Variants in ADARB2 observed in about 807,000 individuals in gnomAD.
The protein encoded by ADARB2 is adenosine deaminase RNA specific B2 (inactive).
Under a neutral mutation model 62.2 loss-of-function variants are expected in ADARB2, and 25 were observed. The ratio of observed to expected loss-of-function variants is 0.40; its 90% CI spans 0.29 to 0.56. The LOEUF is 0.56. ADARB2 is among the 20% of genes least tolerant of loss of function. The pLI, the probability that ADARB2 is intolerant of heterozygous loss-of-function variation, is 0.43. For synonymous variants in ADARB2, 572 were observed against 500.8 expected (o/e 1.14, Z -1.90); for missense variants, 1,071 against 1,077.4 (o/e 0.99, Z 0.08).
At position 1,597,940 on chromosome 10, in the gene ADARB2, A is replaced by T. The variant is rs556252686; in HGVS notation, c.100+139111T>A. Among the ~76,000 whole-genome samples the T allele has an allele frequency of 7.2e-5, 11 of 152,392 alleles. No homozygotes were observed. The South Asian group carries it at 1.2e-3, about 17-fold the overall frequency. Reference sequence around the variant, plus strand: ...ATACACTGTGGAATACTATGCAGCCATGAAAAAGAAAGAAGTCATATCTTT... The same window carrying T: ...ATACACTGTGGAATACTATGCAGCCTTGAAAAAGAAAGAAGTCATATCTTT... On this transcript the variant is annotated intron_variant, in intron 1 of 9. Coordinates refer to ENST00000381312, the MANE Select transcript of ADARB2 (RefSeq NM_018702.4).
At chr10:1,242,011 C>A in intron 5 of ADARB2, 120 bp downstream of exon 5, 1 of 1,117,620 alleles carries the variant, frequency 8.9e-7, no homozygotes. Flanking sequence ...TGCTTTCTGG[C>A]TCACCCTGTG....
At chr10:1,576,856 G>C (rs971098596) in intron 1 of ADARB2, among the ~76,000 whole-genome samples, 1 of 141,434 alleles carries the variant, frequency 7.1e-6, no homozygotes, top group Admixed American at 7.0e-5. Flanking sequence ...TCAGTCTGCT[G>C]TGTGGCCCTG....
At chr10:1,581,768 A>G (rs1333466608) in intron 1 of ADARB2, among the ~76,000 whole-genome samples, 1 of 152,180 alleles carries the variant, frequency 6.6e-6, no homozygotes, top group Non-Finnish European at 1.5e-5. Flanking sequence ...ACATAGACAT[A>G]GTGCATAGAG....
At chr10:1,677,582 AG>A (rs1834482760) in intron 1 of ADARB2, among the ~76,000 whole-genome samples, 1 of 152,202 alleles carries the variant, frequency 6.6e-6, no homozygotes, top group Admixed American at 6.5e-5. Context: ...CATTCCTGCC[AG>A]GTGGAGCTCC....
intron 5 of ADARB2, among the ~76,000 whole-genome samples, chr10:1,241,036 C>T (rs1475207393): frequency 1.3e-5 from 2 of 151,900 alleles, no homozygotes; most frequent in Non-Finnish European, 2.9e-5. Flanking sequence ...TTTGGGAGGC[C>T]GAGATAGGGT....
rs555812632 is a variant in ADARB2 at position 1,493,729 on chromosome 10, C to CTTTTTTT, written c.101-114576_101-114570dup. On this transcript the variant is annotated intron_variant, in intron 1 of 9. Transcript: ENST00000381312. ...TCTAGGCACAGCATAATATGGCATT[C>CTTTTTTT]TTTTTTTTTTTTTTTTTTTTTTTTT... Among the ~76,000 whole-genome samples the CTTTTTTT allele has an allele frequency of 6.5e-4, 37 of 56,842 alleles. 6 individuals carry two copies. The highest frequency in any genetic ancestry group is 1.5e-3 in the East Asian group (3 of 1,938). 37.3% of individuals were successfully genotyped at this position (56,842 alleles called of 152,430 possible). A position where few individuals can be genotyped will look rare whatever the true frequency, so the allele number is the denominator to read the frequency against.
At chr10:1,516,977 C>T (rs1832016413) in intron 1 of ADARB2, among the ~76,000 whole-genome samples, 1 of 152,172 alleles carries the variant, frequency 6.6e-6, no homozygotes, top group South Asian at 2.1e-4. Flanking sequence ...GGCGTTTCCC[C>T]CACGCCGGCC....
intron 1 of ADARB2, among the ~76,000 whole-genome samples, chr10:1,548,600 G>T (rs1217439530): frequency 6.6e-6 from 1 of 152,222 alleles, no homozygotes; most frequent in Non-Finnish European, 1.5e-5. Flanking sequence ...TCACTAGAGG[G>T]TCAGATTTGG....
rs1836680571 is a variant in ADARB2 at position 1,181,961 on chromosome 10, C to A, written c.*1232G>T. 6.6e-6 allele frequency: 1 copy of A among 152,170 alleles called. No individual in the cohort carries two copies. The highest frequency in any genetic ancestry group is 2.4e-5 in the African/African-American group (1 of 41,424). 9.4% of individuals were successfully genotyped at this position (152,170 alleles called of 1,614,324 possible). On this transcript the variant is annotated 3_prime_UTR_variant, in exon 10 of 10. Coordinates refer to ENST00000381312, the MANE Select transcript of ADARB2 (RefSeq NM_018702.4). ...AGGGATGATGCTGTGGGCTAAAGCC[C>A]CCATGTCCCATCTCCACTGTGAGCT...
chr10:1,563,764 G>A (rs567327244), intron 1 of ADARB2, among the ~76,000 whole-genome samples: 11 of 141,550 alleles, frequency 7.8e-5, no homozygotes, highest in South Asian at 2.6e-4. Flanking sequence ...ATATCTCCCA[G>A]TGCTATCCCT....
intron 1 of ADARB2, among the ~76,000 whole-genome samples, chr10:1,586,823 A>C (rs1460850888): frequency 6.6e-6 from 1 of 152,222 alleles, no homozygotes. Flanking sequence ...TGGGTTTGTG[A>C]GTAGCATAAA....
chr10:1,382,519 T>C (rs1269188228), intron 1 of ADARB2, among the ~76,000 whole-genome samples: 1 of 152,220 alleles, frequency 6.6e-6, no homozygotes, highest in Admixed American at 6.5e-5. Flanking sequence ...AGAAGTTCTT[T>C]GGCATCAGGG....
At chr10:1,616,107 G>A (rs1833629386) in intron 1 of ADARB2, among the ~76,000 whole-genome samples, 1 of 152,168 alleles carries the variant, frequency 6.6e-6, no homozygotes, top group African/African-American at 2.4e-5. Flanking sequence ...TCAGAAGTGA[G>A]GAATATGGCA....
At position 1,217,013 on chromosome 10, in the gene ADARB2, G is replaced by C. The variant is rs769066420; in HGVS notation, c.1620C>G (p.Thr540=). 2.2e-5 allele frequency: 36 copies of C among 1,611,424 alleles called. No individual in the cohort carries two copies. The highest frequency in any genetic ancestry group is 1.6e-4 in the Middle Eastern group (1 of 6,078). Residue 540 remains threonine, a synonymous_variant, in exon 7 of 10, where the codon ACC becomes ACG. Coordinates refer to ENST00000381312, the MANE Select transcript of ADARB2 (RefSeq NM_018702.4). The stretch of plus-strand genomic sequence containing the variant: ...GCTCCCCCAGCAGGACGCCGTCCCA[G>C]GTCTGCACTGCGCTGGGGCCACGCA... ...VPVRGPSAVQ[T]WDGVLLGEQL...
chr10:1,681,022 C>T (rs1486371149), intron 1 of ADARB2, among the ~76,000 whole-genome samples: 3 of 152,200 alleles, frequency 2.0e-5, no homozygotes, highest in Non-Finnish European at 4.4e-5. Context: ...GGGTTAGGGA[C>T]CCCCCTGGAG....
intron 1 of ADARB2, among the ~76,000 whole-genome samples, chr10:1,503,779 C>G (rs1831797390): frequency 6.6e-6 from 1 of 152,036 alleles, no homozygotes; most frequent in Non-Finnish European, 1.5e-5. Context: ...TGGTCTCTAA[C>G]AGTGTAGCCC....
At chr10:1,633,560 C>CTATCTATCTATCTA (rs1564353053) in intron 1 of ADARB2, among the ~76,000 whole-genome samples, 2 of 135,216 alleles carry the variant, frequency 1.5e-5, no homozygotes, top group African/African-American at 2.8e-5. Context: ...ATCTATCTAT[C>CTATCTATCTATCTA]TATCTATCTA....
intron 3 of ADARB2, among the ~76,000 whole-genome samples, chr10:1,272,741 G>A (rs1831275020): frequency 1.3e-5 from 2 of 152,342 alleles, no homozygotes; most frequent in East Asian, 1.9e-4. Flanking sequence ...CCTGTCTTTC[G>A]TGTCTGGAAT....
At chr10:1,613,237 G>A (rs550384057) in intron 1 of ADARB2, among the ~76,000 whole-genome samples, 6 of 152,316 alleles carry the variant, frequency 3.9e-5, no homozygotes, top group Admixed American at 1.3e-4. Flanking sequence ...TGCCTTTGGG[G>A]CAAAACAAGC....
Sources: allele counts gnomAD v4.1 joint callset (sites outside exome capture counted in the v4.1 genomes callset), GRCh38; gene constraint gnomAD v4.1.1; transcripts MANE v1.5; gene names NCBI Gene and HGNC (gene_info 2026-07-23, HGNC 2026-07-21).